The following KCNIP1 variants were observed in gnomAD, a reference collection of about 807,000 sequenced individuals.
KCNIP1 encodes the protein potassium voltage-gated channel interacting protein 1.
A neutral mutation model predicts 33.0 loss-of-function variants in KCNIP1; 18 were observed. That is an observed-to-expected ratio of 0.55 (90% CI 0.38 to 0.81). KCNIP1 has a LOEUF of 0.81. KCNIP1 is among the 30% of genes least tolerant of loss of function. The pLI is 0.00. For synonymous variants in KCNIP1, 93 were observed against 98.3 expected (o/e 0.95, Z 0.32); for missense variants, 238 against 271.6 (o/e 0.88, Z 0.87).
chr5:170,672,610 T>C (rs550789580), intron 1 of KCNIP1, among the ~76,000 whole-genome samples: 51 of 152,370 alleles, frequency 3.3e-4, no homozygotes, highest in Admixed American at 2.7e-3. Flanking sequence ...AATAATAGCA[T>C]TGAGAGCTGT....
At chr5:170,631,305 G>C (rs1367570374) in intron 1 of KCNIP1, among the ~76,000 whole-genome samples, 1 of 152,158 alleles carries the variant, frequency 6.6e-6, no homozygotes, top group Non-Finnish European at 1.5e-5. Context: ...GAATGTGTGT[G>C]AGAGCCCAAG....
Position 170,718,897 on chromosome 5 carries a change from C to T in KCNIP1, c.186+15C>T, listed in dbSNP as rs181255804. 2.4e-5 allele frequency: 39 copies of T among 1,604,822 alleles called. No individual in the cohort carries two copies. The highest frequency in any genetic ancestry group is 1.1e-4 in the East Asian group (5 of 44,448). On this transcript the variant is annotated intron_variant, in intron 2 of 7. Transcript: ENST00000328939. Reference sequence around the variant, plus strand: ...GCTTCAAAAATGTAAGACCCGTGCACGCTCTGAAGGCCTGGGGGGGGTTCC... The same window carrying T: ...GCTTCAAAAATGTAAGACCCGTGCATGCTCTGAAGGCCTGGGGGGGGTTCC...
At chr5:170,629,787 G>A (rs962799839) in intron 1 of KCNIP1, among the ~76,000 whole-genome samples, 1 of 152,170 alleles carries the variant, frequency 6.6e-6, no homozygotes, top group South Asian at 2.1e-4. Flanking sequence ...CCAAATGCAT[G>A]CCCAGACATA....
At chr5:170,535,036 C>A (rs980943835) in intron 1 of KCNIP1, among the ~76,000 whole-genome samples, 2 of 152,150 alleles carry the variant, frequency 1.3e-5, no homozygotes, top group Admixed American at 1.3e-4. Context: ...CTAAATCCTC[C>A]CCATGGCTGC....
chr5:170,658,841 C>T (rs1185198653), intron 1 of KCNIP1, among the ~76,000 whole-genome samples: 8 of 152,328 alleles, frequency 5.3e-5, no homozygotes, highest in African/African-American at 1.9e-4. Context: ...ATTCCCAAGA[C>T]AGCAATGTTT....
chr5:170,448,975 A>T (rs1756183905), intron 1 of KCNIP1, among the ~76,000 whole-genome samples: 1 of 152,202 alleles, frequency 6.6e-6, no homozygotes, highest in Non-Finnish European at 1.5e-5. Flanking sequence ...AAGCACATGC[A>T]GCACTCTACT....
chr5:170,394,277 C>A (rs1754697073), intron 1 of KCNIP1, among the ~76,000 whole-genome samples: 1 of 152,204 alleles, frequency 6.6e-6, no homozygotes, highest in East Asian at 1.9e-4. Flanking sequence ...GCACCGCATG[C>A]CTCTTCTGCA....
chr5:170,419,324 G>A lies in KCNIP1; in HGVS notation c.88+65360G>A, dbSNP rs1417720159. The stretch of plus-strand genomic sequence containing the variant: ...CAGCAGGGGAGGAAGTAATCAGAGA[G>A]GTGGAGGAAGGAAGCCAAGGGAAGT... On this transcript the variant is annotated intron_variant, in intron 1 of 7. Coordinates refer to the KCNIP1 transcript ENST00000377360. Among the ~76,000 whole-genome samples, 4 of 152,184 alleles carry A rather than the reference G, an allele frequency of 2.6e-5. No individual in the cohort carries two copies. The East Asian group carries it at 7.7e-4, about 29-fold the overall frequency.
intron 1 of KCNIP1, among the ~76,000 whole-genome samples, chr5:170,435,768 A>T (rs1262619326): frequency 6.6e-6 from 1 of 152,162 alleles, no homozygotes; most frequent in Non-Finnish European, 1.5e-5. Flanking sequence ...CTCAGGAAAC[A>T]ATGCTATTGT....
At chr5:170,725,579 T>C (rs1311637486) in intron 5 of KCNIP1, among the ~76,000 whole-genome samples, 1 of 152,120 alleles carries the variant, frequency 6.6e-6, no homozygotes, top group Non-Finnish European at 1.5e-5. Context: ...AAAAATAGAA[T>C]GAATGAATAA....
intron 1 of KCNIP1, among the ~76,000 whole-genome samples, chr5:170,595,161 TG>T (rs1758400698): frequency 2.0e-5 from 3 of 151,962 alleles, no homozygotes. Flanking sequence ...TTGGTTGTGA[TG>T]GGGCTTGTCT....
intron 1 of KCNIP1, among the ~76,000 whole-genome samples, chr5:170,599,033 C>T (rs1317612726): frequency 6.6e-6 from 1 of 151,884 alleles, no homozygotes; most frequent in Admixed American, 6.6e-5. Flanking sequence ...GTTTGCAGAT[C>T]TCAATATCCT....
chr5:170,594,929 G>A (rs1443682240), intron 1 of KCNIP1, among the ~76,000 whole-genome samples: 1 of 152,220 alleles, frequency 6.6e-6, no homozygotes, highest in East Asian at 1.9e-4. Context: ...CTCCTGTTGG[G>A]TTTCTCGTGA....
intron 1 of KCNIP1, among the ~76,000 whole-genome samples, chr5:170,672,984 T>C (rs749112453): frequency 8.5e-5 from 13 of 152,264 alleles, no homozygotes; most frequent in Non-Finnish European, 1.6e-4. Flanking sequence ...ACCATTTTCA[T>C]GCAGTCCATA....
chr5:170,712,885 A>T, intron 1 of KCNIP1: 1 of 1,613,618 alleles, frequency 6.2e-7, no homozygotes, highest in Non-Finnish European at 8.5e-7. Context: ...AGTATCAGAG[A>T]GGTAAAAAAC....
chr5:170,677,268 G>C (rs1210635994), intron 1 of KCNIP1, among the ~76,000 whole-genome samples: 1 of 152,182 alleles, frequency 6.6e-6, no homozygotes, highest in Non-Finnish European at 1.5e-5. Flanking sequence ...CATAGTCACA[G>C]AGCTAAGTAG....
At chr5:170,521,836 A>G (rs1276365552) in intron 1 of KCNIP1, among the ~76,000 whole-genome samples, 1 of 152,236 alleles carries the variant, frequency 6.6e-6, no homozygotes, top group African/African-American at 2.4e-5. Flanking sequence ...AGGCTGAAAC[A>G]TAGAATTGTT....
At chr5:170,431,611 AG>A (rs1465973667) in intron 1 of KCNIP1, among the ~76,000 whole-genome samples, 2 of 152,226 alleles carry the variant, frequency 1.3e-5, no homozygotes, top group Non-Finnish European at 2.9e-5. Context: ...AGAAGTAACA[AG>A]ATCTCCCAAA....
At chr5:170,557,496 T>C (rs561915378) in intron 1 of KCNIP1, among the ~76,000 whole-genome samples, 1 of 152,288 alleles carries the variant, frequency 6.6e-6, no homozygotes, top group South Asian at 2.1e-4. Flanking sequence ...CTGAGCCTCC[T>C]GCTGTGTCCC....
Sources: allele counts gnomAD v4.1 joint callset (sites outside exome capture counted in the v4.1 genomes callset), GRCh38; gene constraint gnomAD v4.1.1; transcripts MANE v1.5; gene names NCBI Gene and HGNC (gene_info 2026-07-23, HGNC 2026-07-21).